The following SULT1C4 variants were observed in gnomAD, a reference collection of about 807,000 sequenced individuals.
The protein encoded by SULT1C4 is sulfotransferase 1C4.
SULT1C4 carries 32 observed loss-of-function variants against 34.8 expected under a neutral mutation model. The ratio of observed to expected loss-of-function variants is 0.92; its 90% CI spans 0.69 to 1.23. The LOEUF (loss-of-function observed/expected upper bound fraction) is 1.23. SULT1C4 is among the 50% of genes most tolerant of loss of function. The pLI, the probability that SULT1C4 is intolerant of heterozygous loss-of-function variation, is 0.00. For synonymous variants in SULT1C4, 111 were observed against 120.5 expected (o/e 0.92, Z 0.51); for missense variants, 375 against 365.9 (o/e 1.02, Z -0.20).
At position 108,388,568 on chromosome 2, in the gene SULT1C4, G is replaced by A. The variant is rs1678630105; in HGVS notation, c.*1136G>A. ...ATGGCAAGGTTATTTTCCTTAAAAA[G>A]ACTCTTATTATGTTGTTCCTTAGCT... On this transcript the variant is annotated 3_prime_UTR_variant, in exon 7 of 7. Transcript: ENST00000272452. Among the ~76,000 whole-genome samples the A allele has an allele frequency of 6.6e-6, 1 of 152,054 alleles. No homozygotes were observed. The highest frequency in any genetic ancestry group is 6.6e-5 in the Admixed American group (1 of 15,254).
intron 2 of SULT1C4, 57 bp from the exon 3 acceptor site, chr2:108,382,328 T>C: frequency 1.4e-6 from 2 of 1,381,976 alleles, no homozygotes; most frequent in African/African-American, 2.9e-5. Context: ...CAGCAAGACT[T>C]GGAAGCAAAT....
rs1678408671 is a variant in SULT1C4 at position 108,381,869 on chromosome 2, A to G, written c.277A>G (p.Ile93Val). 1.3e-6 allele frequency: 2 copies of G among 1,491,316 alleles called. No individual in the cohort carries two copies. The highest frequency in any genetic ancestry group is 2.9e-5 in the African/African-American group (2 of 68,818). 92.4% of individuals were successfully genotyped at this position (1,491,316 alleles called of 1,614,324 possible). ...HQRFPFLEMK[I>V]PSLGSGLEQA... ...ACGATTTCCTTTCCTCGAAATGAAA[A>G]TCCCATCCTTAGGATCTGGTGAGTA... The change falls in exon 2 of 7, where the codon ATC (isoleucine) becomes GTC (valine). Residue 93 changes from isoleucine (I) to valine (V), a missense_variant. By Grantham distance (29) the Ile-to-Val change is conservative (BLOSUM62 3). Transcript: ENST00000272452.
chr2:108,381,952 C>A, intron 2 of SULT1C4, 65 bp downstream of exon 2: 1 of 1,396,472 alleles, frequency 7.2e-7, no homozygotes. Context: ...ACTGTCTTTG[C>A]ACCTTTCGAA....
chr2:108,382,902 CAAAAAAAAAAAAAA>C (rs60764322), intron 3 of SULT1C4, 177 bp from the exon 4 acceptor site: 8 of 81,240 alleles, frequency 9.8e-5, no homozygotes, highest in Non-Finnish European at 1.5e-4. Context: ...GACTCCATCT[CAAAAAAAAAAAAAA>C]AAAAAAAAAA....
chr2:108,383,199 A>G lies in SULT1C4; in HGVS notation c.500A>G (p.Glu167Gly). ...PAPGTWEEYF[E>G]TFLAGKVCWG... ...CCAGGAACATGGGAAGAGTATTTTG[A>G]GACTTTTCTGGCTGGGAAAGGTGAG... The change falls in exon 4 of 7, where the codon GAG becomes GGG. Residue 167 changes from glutamate to glycine, a missense_variant. Transcript: ENST00000272452. The G allele has an allele frequency of 6.2e-7, 1 of 1,606,922 alleles. No homozygotes were observed. Among genetic ancestry groups the G allele is most frequent in the Non-Finnish European group, 8.5e-7 (1 of 1,178,426 alleles).
At chr2:108,386,084 T>C in intron 5 of SULT1C4, 108 bp from the exon 6 acceptor site, 1 of 921,280 alleles carries the variant, frequency 1.1e-6, no homozygotes, top group Non-Finnish European at 1.5e-6. Flanking sequence ...AGATTTGTTT[T>C]TTATTTTAGC....
intron 1 of SULT1C4, 73 bp downstream of exon 1, chr2:108,378,579 G>A: frequency 6.6e-7 from 1 of 1,511,244 alleles, no homozygotes; most frequent in Non-Finnish European, 8.9e-7. Flanking sequence ...CATTAGTCAT[G>A]AAATAAAGAA....
chr2:108,385,644 T>A (rs1003041324), intron 5 of SULT1C4, among the ~76,000 whole-genome samples: 6 of 152,066 alleles, frequency 3.9e-5, no homozygotes, highest in African/African-American at 1.4e-4. Context: ...TGATGCGAAA[T>A]CAGTAGCTAC....
Position 108,382,341 on chromosome 2 carries a change from AT to A in SULT1C4, c.296-43del, listed in dbSNP as rs754371305. 7.4e-6 allele frequency: 11 copies of A among 1,488,746 alleles called. No homozygotes were observed. In the African/African-American group the frequency reaches 9.9e-5, roughly 13 times the overall value. 92.2% of individuals were successfully genotyped at this position (1,488,746 alleles called of 1,614,324 possible). A position where few individuals can be genotyped will look rare whatever the true frequency, so the allele number is the denominator to read the frequency against. On this transcript the variant is annotated intron_variant, in intron 2 of 6. Transcript: ENST00000272452. ...AGCAGCAAGACTTGGAAGCAAATAG[AT>A]AAAAAAAAAATCGTAGAAATTGATC...
Position 108,378,101 on chromosome 2 carries a change from G to T in SULT1C4, c.-237G>T, listed in dbSNP as rs1314771940. 4 of 331,134 alleles carry T rather than the reference G, an allele frequency of 1.2e-5. No individual in the cohort carries two copies. Among genetic ancestry groups the T allele is most frequent in the Non-Finnish European group, 2.2e-5 (4 of 183,308 alleles). 20.5% of individuals were successfully genotyped at this position (331,134 alleles called of 1,614,324 possible). A position where few individuals can be genotyped will look rare whatever the true frequency, so the allele number is the denominator to read the frequency against. Reference sequence around the variant, plus strand: ...ACAGCCTGGTGAGGAGGGGGCTGCAGTTCCTCAGGAAACTGCCAGTGGACA... The same window carrying T: ...ACAGCCTGGTGAGGAGGGGGCTGCATTTCCTCAGGAAACTGCCAGTGGACA... On this transcript the variant is annotated 5_prime_UTR_variant, in exon 1 of 7. Coordinates refer to ENST00000272452, the MANE Select transcript of SULT1C4 (RefSeq NM_006588.4).
chr2:108,383,307 G>T, intron 4 of SULT1C4, 88 bp downstream of exon 4: 2 of 1,589,780 alleles, frequency 1.3e-6, no homozygotes, highest in Non-Finnish European at 1.7e-6. Flanking sequence ...ACCAGCAGGG[G>T]CTCTGCCTTC....
At position 108,383,105 on chromosome 2, in the gene SULT1C4, G is replaced by A. The variant is rs748668211; in HGVS notation, c.406G>A (p.Ala136Thr). ...TCATCATTCCCAGATAATCTATGTA[G>A]CAAGAAATCCCAAGGACAACATGGT... is the stretch of plus-strand genomic sequence containing the variant. Reference protein sequence around the residue: ...LEKNCKIIYVARNPKDNMVSY... With the variant: ...LEKNCKIIYVTRNPKDNMVSY... Residue 136 changes from alanine to threonine, a missense_variant, in exon 4 of 7, where the codon GCA becomes ACA. Transcript: ENST00000272452. The A allele has an allele frequency of 6.3e-7, 1 of 1,589,808 alleles. No individual in the cohort carries two copies. The highest frequency in any genetic ancestry group is 8.5e-7 in the Non-Finnish European group (1 of 1,170,092).
intron 3 of SULT1C4, 88 bp downstream of exon 3, chr2:108,382,570 T>C: frequency 5.5e-6 from 5 of 912,716 alleles, no homozygotes; most frequent in South Asian, 5.5e-5. Context: ...TTGTTAAATA[T>C]ATATATATAT....
intron 5 of SULT1C4, among the ~76,000 whole-genome samples, chr2:108,384,449 A>C (rs1438143341): frequency 6.6e-6 from 1 of 152,012 alleles, no homozygotes; most frequent in Non-Finnish European, 1.5e-5. Flanking sequence ...GCCAGGTCTC[A>C]ATCTCCTGAC....
chr2:108,382,742 A>AT (rs1678444112), intron 3 of SULT1C4: 1 of 413,386 alleles, frequency 2.4e-6, no homozygotes, highest in Non-Finnish European at 4.3e-6. Context: ...CATCTCTACC[A>AT]AAAACACAAA....
Position 108,381,833 on chromosome 2 carries a change from C to A in SULT1C4, c.241C>A (p.Pro81Thr), listed in dbSNP as rs201674274. The A allele has an allele frequency of 3.3e-6, 5 of 1,506,088 alleles. No homozygotes were observed. Among genetic ancestry groups the A allele is most frequent in the Non-Finnish European group, 4.4e-6 (5 of 1,132,960 alleles). 93.3% of individuals were successfully genotyped at this position (1,506,088 alleles called of 1,614,324 possible). A position where few individuals can be genotyped will look rare whatever the true frequency, so the allele number is the denominator to read the frequency against. ...TGATGTGGAGAAAAGTAAACGGGCA[C>A]CGACTCATCAACGATTTCCTTTCCT... ...EGDVEKSKRA[P>T]THQRFPFLEM... Residue 81 changes from proline (P) to threonine (T), a missense_variant, in exon 2 of 7, where the codon CCG (proline) becomes ACG (threonine). Physicochemically the swap from Pro to Thr is conservative, Grantham distance 38 (BLOSUM62 -1). Transcript: ENST00000272452.
At chr2:108,381,064 G>T (rs925308387) in intron 1 of SULT1C4, among the ~76,000 whole-genome samples, 1 of 152,140 alleles carries the variant, frequency 6.6e-6, no homozygotes, top group African/African-American at 2.4e-5. Flanking sequence ...TGTCTCCTAC[G>T]CTATGCAACT....
At chr2:108,378,634 T>C in intron 1 of SULT1C4, 128 bp downstream of exon 1, 1 of 1,043,358 alleles carries the variant, frequency 9.6e-7, no homozygotes, top group Non-Finnish European at 1.4e-6. Flanking sequence ...CTAAGGAAAG[T>C]TACTAGTGGA....
rs1457828881 is a variant in SULT1C4, at chr2:108,388,348, A to G, written c.*916A>G. 2.7e-5 allele frequency among the ~76,000 whole-genome samples: 4 copies of G among 150,278 alleles called. No individual in the cohort carries two copies. Among genetic ancestry groups the G allele is most frequent in the Non-Finnish European group, 5.9e-5 (4 of 67,906 alleles). Reference sequence around the variant, plus strand: ...AGTCACCTCTTGACTCATCTTTCCCATTGCCACCACAATCCATTCTAATAT... The same window carrying G: ...AGTCACCTCTTGACTCATCTTTCCCGTTGCCACCACAATCCATTCTAATAT... On this transcript the variant is annotated 3_prime_UTR_variant, in exon 7 of 7. Transcript: ENST00000272452.
Sources: gnomAD v4.1 joint callset for allele counts (sites outside exome capture counted in the v4.1 genomes callset) on GRCh38, gnomAD v4.1.1 for gene constraint, MANE v1.5 for transcripts, NCBI Gene and HGNC (gene_info 2026-07-23, HGNC 2026-07-21) for gene names.